Variants in RASSF9 observed in about 807,000 individuals in gnomAD.
The protein encoded by RASSF9 is Ras association domain family member 9, also known as ras association domain-containing protein 9.
RASSF9 carries 18 observed loss-of-function variants against 21.4 expected under a neutral mutation model. The observed-to-expected ratio is 0.84, with a 90% CI of 0.58 to 1.25. RASSF9 has a LOEUF of 1.25. Among genes scored for constraint, RASSF9 ranks in the 50% most tolerant of loss-of-function variants. The pLI is 0.00. For synonymous variants in RASSF9, 183 were observed against 179.1 expected, an observed-to-expected ratio of 1.02 and a Z score of -0.18; for missense variants, 480 against 503.2, an observed-to-expected ratio of 0.95 and a Z score of 0.44.
chr12:85,818,650 A>T (rs930718831), intron 1 of RASSF9, among the ~76,000 whole-genome samples: 5 of 152,174 alleles, frequency 3.3e-5, no homozygotes, highest in African/African-American at 1.2e-4. Context: ...CTAATTTTTT[A>T]AAGCAGTTTA....
chr12:85,825,588 A>G (rs1057409255), intron 1 of RASSF9, among the ~76,000 whole-genome samples: 1 of 152,164 alleles, frequency 6.6e-6, no homozygotes, highest in Admixed American at 6.5e-5. Context: ...AGACATTATG[A>G]CTGGGAAAAT....
rs1248334019 is a variant in RASSF9, at chr12:85,803,337, T to C, written c.*1365A>G. The C allele has an allele frequency of 1.3e-5, 2 of 152,130 alleles. No homozygotes were observed. Among genetic ancestry groups the C allele is most frequent in the Non-Finnish European group, 1.5e-5 (1 of 68,018 alleles). The allele number at this position is 152,130 out of a possible 1,614,324, so 9.4% of individuals were successfully genotyped here. ...AAGTAAAATAATATTTCTACTTACA[T>C]GTGCAGTGACACACAGGAAAGATAT... On this transcript the variant is annotated 3_prime_UTR_variant, in exon 2 of 2. Transcript: ENST00000361228.
At chr12:85,825,323 T>C (rs1023684311) in intron 1 of RASSF9, among the ~76,000 whole-genome samples, 4 of 152,184 alleles carry the variant, frequency 2.6e-5, no homozygotes, top group African/African-American at 9.7e-5. Context: ...TTTTGAAGTC[T>C]AAATGCCTAA....
chr12:85,835,132 C>G (rs1219668047), intron 1 of RASSF9, among the ~76,000 whole-genome samples: 1 of 152,030 alleles, frequency 6.6e-6, no homozygotes, highest in Non-Finnish European at 1.5e-5. Flanking sequence ...TTGTATTACT[C>G]TATATTGTCA....
At chr12:85,820,622 A>G (rs1014447702) in intron 1 of RASSF9, among the ~76,000 whole-genome samples, 1 of 152,230 alleles carries the variant, frequency 6.6e-6, no homozygotes, top group Non-Finnish European at 1.5e-5. Context: ...ATTTGCTAAC[A>G]AGAAATTAAA....
chr12:85,819,420 G>T (rs976152998), intron 1 of RASSF9, among the ~76,000 whole-genome samples: 1 of 152,006 alleles, frequency 6.6e-6, no homozygotes, highest in African/African-American at 2.4e-5. Context: ...AATTTAAAAT[G>T]ACCTATTCAT....
intron 1 of RASSF9, among the ~76,000 whole-genome samples, chr12:85,806,884 G>A (rs1042216795): frequency 6.6e-6 from 1 of 151,902 alleles, no homozygotes; most frequent in Non-Finnish European, 1.5e-5. Flanking sequence ...TGGAAAAATC[G>A]TCATTCTTTT....
rs1287131793 is a variant in RASSF9 at position 85,805,695 on chromosome 12, A to G, written c.315T>C (p.Asp105=). Residue 105 remains aspartate, a synonymous_variant, in exon 2 of 2, where the codon GAT becomes GAC. Coordinates refer to ENST00000361228, the MANE Select transcript of RASSF9 (RefSeq NM_005447.4). ...AAACAAATTGCATATTGGGCTGCTC[A>G]TCTCCCCACGCTTTCCAAAGCTTCA... ...RILKLWKAWG[D]EQPNMQFVLV... 2 of 1,614,014 alleles carry G rather than the reference A, an allele frequency of 1.2e-6. No individual in the cohort carries two copies. Among genetic ancestry groups the G allele is most frequent in the Non-Finnish European group, 1.7e-6 (2 of 1,179,898 alleles).
At chr12:85,806,816 AT>A (rs1367435212) in intron 1 of RASSF9, among the ~76,000 whole-genome samples, 2 of 151,950 alleles carry the variant, frequency 1.3e-5, no homozygotes, top group Admixed American at 6.6e-5. Context: ...AACTGAGGCT[AT>A]TTTAATTAAA....
At chr12:85,812,476 G>A (rs1879974535) in intron 1 of RASSF9, among the ~76,000 whole-genome samples, 2 of 151,062 alleles carry the variant, frequency 1.3e-5, no homozygotes, top group South Asian at 2.1e-4. Flanking sequence ...ATATTGATGA[G>A]ATTCATTTGT....
In RASSF9 at chr12:85,804,933, G is replaced by T. The variant is rs777109358; in HGVS notation, c.1077C>A (p.Leu359=). The T allele has an allele frequency of 2.2e-5, 36 of 1,613,754 alleles. No homozygotes were observed. Among genetic ancestry groups the T allele is most frequent in the Non-Finnish European group, 2.5e-6 (3 of 1,179,800 alleles). ...LLQMKAKEYE[L]LAKEFNSLHI... ...GAAGTGAATTGAATTCCTTGGCCAG[G>T]AGTTCATATTCTTTTGCTTTCATCT... Residue 359 remains leucine (L), a synonymous_variant, in exon 2 of 2, where the codon CTC becomes CTA. Coordinates refer to ENST00000361228, the MANE Select transcript of RASSF9 (RefSeq NM_005447.4).
chr12:85,826,311 C>G (rs1265825892), intron 1 of RASSF9, among the ~76,000 whole-genome samples: 4 of 152,044 alleles, frequency 2.6e-5, no homozygotes, highest in Non-Finnish European at 5.9e-5. Context: ...GATATTGGCC[C>G]CATGCACTGA....
intron 1 of RASSF9, among the ~76,000 whole-genome samples, chr12:85,825,061 G>A (rs934962752): frequency 2.6e-5 from 4 of 152,094 alleles, no homozygotes; most frequent in Non-Finnish European, 4.4e-5. Flanking sequence ...GGAGTACAGT[G>A]GTGCGATCTC....
Position 85,805,132 on chromosome 12 carries a change from C to T in RASSF9, c.878G>A (p.Ser293Asn). ...LSAEIEKEVK[S>N]VCIDINEDAE... ...ATCTTCATTTATATCAATGCAAACA[C>T]TTTTTACCTCTTTTTCTATTTCAGC... Residue 293 changes from serine to asparagine, a missense_variant, in exon 2 of 2, where the codon AGT (serine) becomes AAT (asparagine). Physicochemically the swap from Ser to Asn is conservative, Grantham distance 46 (BLOSUM62 1). Coordinates refer to ENST00000361228, the MANE Select transcript of RASSF9 (RefSeq NM_005447.4). 6.2e-7 allele frequency: 1 copy of T among 1,613,906 alleles called. No individual in the cohort carries two copies. Among genetic ancestry groups the T allele is most frequent in the African/African-American group, 1.3e-5 (1 of 75,036 alleles).
At position 85,804,572 on chromosome 12, in the gene RASSF9, G is replaced by A. The variant is rs750753540; in HGVS notation, c.*130C>T. On this transcript the variant is annotated 3_prime_UTR_variant, in exon 2 of 2. Transcript: ENST00000361228. ...TCACATCAGAAACAACACATTTCTC[G>A]AGTTTTTATTAACTATTGAATACTA... 8.8e-6 allele frequency: 8 copies of A among 913,814 alleles called. No individual in the cohort carries two copies. The East Asian group carries it at 1.2e-4, about 13-fold the overall frequency. The allele number at this position is 913,814 out of a possible 1,614,324, so 56.6% of individuals were successfully genotyped here.
Position 85,823,541 on chromosome 12 carries a change from C to G in RASSF9, c.47+12614G>C, listed in dbSNP as rs371009809. ...TGGCCACAAACACTTGACAGTTCTT[C>G]CCGTTAAGAGAAGCTCTCTATTTCT... is the stretch of plus-strand genomic sequence containing the variant. On this transcript the variant is annotated intron_variant, in intron 1 of 1. Transcript: ENST00000361228. Among the ~76,000 whole-genome samples the G allele has an allele frequency of 7.9e-5, 12 of 152,282 alleles. No individual in the cohort carries two copies. In the East Asian group the frequency reaches 1.3e-3, roughly 17 times the overall value.
Position 85,800,877 on chromosome 12 carries a change from A to AT in RASSF9, c.*3824dup. On this transcript the variant is annotated 3_prime_UTR_variant, in exon 2 of 2. Coordinates refer to ENST00000361228, the MANE Select transcript of RASSF9 (RefSeq NM_005447.4). ...AATGTATTTCTTTGTCACTAGAAAA[A>AT]TATGTTTTAAATAGATTATGTCTAC... 6.6e-6 allele frequency: 1 copy of AT among 152,024 alleles called. No homozygotes were observed. Among genetic ancestry groups the AT allele is most frequent in the African/African-American group, 2.4e-5 (1 of 41,544 alleles). The allele number at this position is 152,024 out of a possible 1,614,324, so 9.4% of individuals were successfully genotyped here. A position where few individuals can be genotyped will look rare whatever the true frequency, so the allele number is the denominator to read the frequency against.
intron 1 of RASSF9, among the ~76,000 whole-genome samples, chr12:85,834,026 T>G (rs1291716240): frequency 2.6e-5 from 4 of 152,004 alleles, no homozygotes; most frequent in Non-Finnish European, 5.9e-5. Context: ...TGGTCTCACC[T>G]CTGCTAAGGT....
At chr12:85,817,724 TA>T (rs1490383283) in intron 1 of RASSF9, among the ~76,000 whole-genome samples, 1 of 152,034 alleles carries the variant, frequency 6.6e-6, no homozygotes, top group Non-Finnish European at 1.5e-5. Flanking sequence ...AAATGGAAGA[TA>T]AAGTGATCTT....
Sources: allele counts gnomAD v4.1 joint callset (sites outside exome capture counted in the v4.1 genomes callset), GRCh38; gene constraint gnomAD v4.1.1; transcripts MANE v1.5; gene names NCBI Gene and HGNC (gene_info 2026-07-23, HGNC 2026-07-21).